The following BMPR1A variants were observed in gnomAD, a reference collection of about 807,000 sequenced individuals.
The protein encoded by BMPR1A is bone morphogenetic protein receptor type-1A.
BMPR1A carries 7 observed loss-of-function variants against 66.0 expected under a neutral mutation model. The ratio of observed to expected loss-of-function variants is 0.11; its 90% CI spans 0.06 to 0.20. The LOEUF (loss-of-function observed/expected upper bound fraction) is 0.20. Among genes scored for constraint, BMPR1A ranks in the 10% least tolerant of loss-of-function variants. The pLI, the probability that BMPR1A is intolerant of heterozygous loss-of-function variation, is 1.00. For synonymous variants in BMPR1A, 200 were observed against 229.7 expected (o/e 0.87, Z 1.17); for missense variants, 408 against 669.1 (o/e 0.61, Z 4.31).
intron 2 of BMPR1A, among the ~76,000 whole-genome samples, chr10:86,857,936 G>C (rs1055908857): frequency 6.6e-6 from 1 of 151,886 alleles, no homozygotes; most frequent in Non-Finnish European, 1.5e-5. Context: ...GTTATTACAG[G>C]CAGAAGCCTG....
At chr10:86,767,042 T>A (rs2132627594) in intron 1 of BMPR1A, among the ~76,000 whole-genome samples, 1 of 152,278 alleles carries the variant, frequency 6.6e-6, no homozygotes, top group African/African-American at 2.4e-5. Context: ...CAGGATGGTC[T>A]TGATCTCGTG....
At chr10:86,853,567 G>T (rs970175172) in intron 2 of BMPR1A, among the ~76,000 whole-genome samples, 1 of 151,646 alleles carries the variant, frequency 6.6e-6, no homozygotes, top group Non-Finnish European at 1.5e-5. Context: ...AACCTGCCCC[G>T]ATAGTCATGT....
At chr10:86,818,121 C>T (rs539289001) in intron 1 of BMPR1A, among the ~76,000 whole-genome samples, 39 of 152,304 alleles carry the variant, frequency 2.6e-4, no homozygotes, top group Admixed American at 9.8e-4. Context: ...CGGGTTCAAA[C>T]GATTCTCCTG....
chr10:86,875,754 A>C, intron 2 of BMPR1A, 113 bp from the exon 3 acceptor site: 1 of 517,514 alleles, frequency 1.9e-6, no homozygotes, highest in Non-Finnish European at 3.4e-6. Context: ...TAATCTTTTA[A>C]AATGTATTTC....
intron 1 of BMPR1A, among the ~76,000 whole-genome samples, chr10:86,767,645 C>G (rs1330362746): frequency 1.3e-5 from 2 of 152,132 alleles, no homozygotes; most frequent in Non-Finnish European, 2.9e-5. Flanking sequence ...ACACTGCACT[C>G]CAGCCTGAGT....
intron 1 of BMPR1A, among the ~76,000 whole-genome samples, chr10:86,834,760 C>T (rs1339716851): frequency 6.6e-6 from 1 of 152,048 alleles, no homozygotes; most frequent in Non-Finnish European, 1.5e-5. Flanking sequence ...TTTTCTGGAG[C>T]ATAATGTTTG....
At chr10:86,805,257 G>T (rs1841872609) in intron 1 of BMPR1A, among the ~76,000 whole-genome samples, 1 of 151,812 alleles carries the variant, frequency 6.6e-6, no homozygotes, top group African/African-American at 2.4e-5. Context: ...TTCATACTTA[G>T]AAAAGATGTA....
chr10:86,764,214 T>C (rs1196643333), intron 1 of BMPR1A, among the ~76,000 whole-genome samples: 1 of 151,914 alleles, frequency 6.6e-6, no homozygotes, highest in Non-Finnish European at 1.5e-5. Context: ...TAAATTTGTA[T>C]ATAAGAATGT....
chr10:86,910,184 A>C (rs1380488816), intron 7 of BMPR1A, among the ~76,000 whole-genome samples: 2 of 151,918 alleles, frequency 1.3e-5, no homozygotes, highest in Admixed American at 6.6e-5. Context: ...AAAAAATACA[A>C]AAATTAGCCA....
At chr10:86,827,290 G>T (rs1589734764) in intron 1 of BMPR1A, among the ~76,000 whole-genome samples, 1 of 150,900 alleles carries the variant, frequency 6.6e-6, no homozygotes, top group African/African-American at 2.4e-5. Context: ...TATTCTTCTT[G>T]GGCTTGATTT....
chr10:86,927,821 GA>G lies in BMPR1A; in HGVS notation c.*4103del, dbSNP rs1843764544. ...GCAGTTGTAAAACACCAAAAATATA[GA>G]TTCGTCTTTGACGTGTAACACACTA... On this transcript the variant is annotated 3_prime_UTR_variant, in exon 13 of 13. Transcript: ENST00000372037. 1 of 198,396 alleles carries G rather than the reference GA, an allele frequency of 5.0e-6. No individual in the cohort carries two copies. The highest frequency in any genetic ancestry group is 6.1e-5 in the Admixed American group (1 of 16,500). 12.3% of individuals were successfully genotyped at this position (198,396 alleles called of 1,614,324 possible).
intron 1 of BMPR1A, among the ~76,000 whole-genome samples, chr10:86,764,134 T>A (rs919991121): frequency 7.2e-5 from 11 of 152,196 alleles, no homozygotes; most frequent in African/African-American, 2.7e-4. Context: ...TTAAGATTTG[T>A]AGGTAGTTTT....
rs559114183 is a variant in BMPR1A, at chr10:86,774,915, T to A, written c.-268+17996T>A. Among the ~76,000 whole-genome samples, 32 of 152,326 alleles carry A rather than the reference T, an allele frequency of 2.1e-4. 1 individual carries two copies. The highest frequency in any genetic ancestry group is 6.5e-4 in the African/African-American group (27 of 41,580). ...GTTTTAAGAAAAGAAAGAACCTTCC[T>A]CAACCTGATAAAGGGTAATTTTCTA... On this transcript the variant is annotated intron_variant, in intron 1 of 12. Coordinates refer to ENST00000372037, the MANE Select transcript of BMPR1A (RefSeq NM_004329.3).
chr10:86,779,196 C>A (rs117347487), intron 1 of BMPR1A, among the ~76,000 whole-genome samples: 9,325 of 152,244 alleles, frequency 0.061, 388 homozygotes, highest in Non-Finnish European at 0.076. Context: ...TAGCAGTAAA[C>A]ATGGGGATGC....
chr10:86,849,338 G>A (rs1359381941), intron 2 of BMPR1A, among the ~76,000 whole-genome samples: 1 of 152,154 alleles, frequency 6.6e-6, no homozygotes, highest in African/African-American at 2.4e-5. Context: ...TTCCCAGTCT[G>A]GAATGCCTCT....
chr10:86,802,002 C>T (rs1423779339), intron 1 of BMPR1A, among the ~76,000 whole-genome samples: 1 of 152,142 alleles, frequency 6.6e-6, no homozygotes, highest in East Asian at 1.9e-4. Context: ...GTGTGAGCCA[C>T]CGCCCCCCAC....
At chr10:86,835,241 G>GAAAAAAAGAAAAAAAAA (rs1842324040) in intron 1 of BMPR1A, among the ~76,000 whole-genome samples, 2 of 67,864 alleles carry the variant, frequency 2.9e-5, no homozygotes, top group African/African-American at 4.7e-5. Flanking sequence ...TCTTTAAAAA[G>GAAAAAAAGAAAAAAAAA]AAAAAAAGAA....
intron 1 of BMPR1A, among the ~76,000 whole-genome samples, chr10:86,803,449 T>C (rs575296714): frequency 6.6e-6 from 1 of 150,388 alleles, no homozygotes; most frequent in Non-Finnish European, 1.5e-5. Context: ...AACTTAGACA[T>C]TTTTTTCCCC....
At chr10:86,919,545 A>G (rs367698064) in intron 10 of BMPR1A, 76 bp downstream of exon 10, 7 of 1,564,920 alleles carry the variant, frequency 4.5e-6, no homozygotes, top group African/African-American at 4.1e-5. Context: ...TATTCAAGAT[A>G]ATGGAATTCT....
Sources: gnomAD v4.1 joint callset for allele counts (sites outside exome capture counted in the v4.1 genomes callset) on GRCh38, gnomAD v4.1.1 for gene constraint, MANE v1.5 for transcripts, NCBI Gene and HGNC (gene_info 2026-07-23, HGNC 2026-07-21) for gene names.